The following MAP2K1 variants were observed in gnomAD, a reference collection of about 807,000 sequenced individuals.
The protein encoded by MAP2K1 is mitogen-activated protein kinase kinase 1, also known as dual specificity mitogen-activated protein kinase kinase 1.
Under a neutral mutation model 46.3 loss-of-function variants are expected in MAP2K1, and 16 were observed. That is an observed-to-expected ratio of 0.35 (90% CI 0.23 to 0.52). MAP2K1 has a LOEUF of 0.52. Ranked by LOEUF, MAP2K1 falls within the 20% of genes least tolerant of loss-of-function variation. MAP2K1 has a pLI of 0.94. For synonymous variants in MAP2K1, 183 were observed against 185.6 expected, an observed-to-expected ratio of 0.99 and a Z score of 0.11; for missense variants, 263 against 497.1, an observed-to-expected ratio of 0.53 and a Z score of 4.48.
In MAP2K1 at chr15:66,420,757, GTGTATGTGTGTATATATATGTGTA is replaced by G. The variant is rs1567002982; in HGVS notation, c.81-14268_81-14245del. Among the ~76,000 whole-genome samples, 4 of 20,260 alleles carry G rather than the reference GTGTATGTGTGTATATATATGTGTA, an allele frequency of 2.0e-4. 1 individual carries two copies. Among genetic ancestry groups the G allele is most frequent in the Non-Finnish European group, 2.6e-4 (2 of 7,662 alleles). The allele number at this position is 20,260 out of a possible 152,430, so 13.3% of individuals were successfully genotyped here. The stretch of plus-strand genomic sequence containing the variant: ...TGTGTGTGTGTGTGTGTGTGTGTGT[GTGTATGTGTGTATATATATGTGTA>G]TATATATGTGTGTATATATATGTGT... On this transcript the variant is annotated intron_variant, in intron 1 of 10. Coordinates refer to ENST00000307102, the MANE Select transcript of MAP2K1 (RefSeq NM_002755.4).
chr15:66,400,577 T>C (rs2093379047), intron 1 of MAP2K1, among the ~76,000 whole-genome samples: 1 of 152,230 alleles, frequency 6.6e-6, no homozygotes. Context: ...TCCTGGTCTC[T>C]TGCTGCAACT....
At chr15:66,440,695 C>T (rs560829252) in intron 3 of MAP2K1, among the ~76,000 whole-genome samples, 1 of 152,358 alleles carries the variant, frequency 6.6e-6, no homozygotes, top group African/African-American at 2.4e-5. Flanking sequence ...AAGCATTTGT[C>T]TCTTCCATAG....
chr15:66,476,037 C>T (rs77248321), intron 5 of MAP2K1, among the ~76,000 whole-genome samples: 2,384 of 152,256 alleles, frequency 0.016, 63 homozygotes, highest in African/African-American at 0.055. Flanking sequence ...CAGAAAATAT[C>T]GGAGAAGAAC....
intron 3 of MAP2K1, among the ~76,000 whole-genome samples, chr15:66,438,560 T>C (rs1378181711): frequency 1.3e-5 from 2 of 152,206 alleles, no homozygotes; most frequent in Non-Finnish European, 2.9e-5. Context: ...TCCCCTTCCT[T>C]CAAGCCTTCC....
chr15:66,475,524 C>CAAA (rs1892736836), intron 5 of MAP2K1, among the ~76,000 whole-genome samples: 1 of 152,164 alleles, frequency 6.6e-6, no homozygotes, highest in African/African-American at 2.4e-5. Flanking sequence ...CACTGCCTTT[C>CAAA]TCTTCCCCCA....
intron 1 of MAP2K1, among the ~76,000 whole-genome samples, chr15:66,408,891 C>T (rs2140534619): frequency 6.6e-6 from 1 of 152,342 alleles, no homozygotes; most frequent in Middle Eastern, 3.4e-3. Flanking sequence ...CCCTCCGGAG[C>T]ACTCTGTACA....
intron 5 of MAP2K1, among the ~76,000 whole-genome samples, chr15:66,479,146 G>T (rs529226841): frequency 6.6e-6 from 1 of 151,994 alleles, no homozygotes; most frequent in Admixed American, 6.6e-5. Flanking sequence ...ACCCAGGCTG[G>T]GGTGCAGTGG....
chr15:66,418,630 A>G (rs955434012), intron 1 of MAP2K1, among the ~76,000 whole-genome samples: 1 of 151,158 alleles, frequency 6.6e-6, no homozygotes, highest in South Asian at 2.1e-4. Flanking sequence ...TCACCACCAG[A>G]CCCAGGGCTC....
chr15:66,469,719 C>CACACACACACACACACAT (rs968491730), intron 5 of MAP2K1, among the ~76,000 whole-genome samples: 1 of 144,988 alleles, frequency 6.9e-6, no homozygotes, highest in Admixed American at 7.0e-5. Context: ...CACACACACA[C>CACACACACACACACACAT]ACACATATCG....
intron 9 of MAP2K1, 87 bp from the exon 10 acceptor site, chr15:66,489,631 G>T (rs1180945588): frequency 6.0e-6 from 6 of 995,164 alleles, no homozygotes; most frequent in Non-Finnish European, 8.1e-6. Context: ...GGCCTCTAGT[G>T]TGCAGAGAAG....
At position 66,435,020 on chromosome 15, in the gene MAP2K1, G is replaced by A. The variant is rs2140578284; in HGVS notation, c.81-7G>A. ...AGTATTGACTTGTGCTCCCCACTTT[G>A]GAACAGGACCAACTTGGAGGCCTTG... On this transcript the variant is annotated splice_polypyrimidine_tract_variant and splice_region_variant and intron_variant, in intron 1 of 10. Transcript: ENST00000307102. 6.2e-7 allele frequency: 1 copy of A among 1,601,976 alleles called. No individual in the cohort carries two copies. Among genetic ancestry groups the A allele is most frequent in the Non-Finnish European group, 8.6e-7 (1 of 1,169,238 alleles).
intron 1 of MAP2K1, among the ~76,000 whole-genome samples, chr15:66,407,843 TAAAAA>T (rs2093401563): frequency 1.3e-5 from 2 of 152,206 alleles, no homozygotes. Flanking sequence ...CTTCGTCTGT[TAAAAA>T]CAAAACAAAA....
chr15:66,441,563 C>T (rs182859861), intron 3 of MAP2K1, among the ~76,000 whole-genome samples: 69 of 151,910 alleles, frequency 4.5e-4, no homozygotes, highest in African/African-American at 1.5e-3. Flanking sequence ...CCCAACTACA[C>T]GGAAGGCTGA....
intron 1 of MAP2K1, among the ~76,000 whole-genome samples, chr15:66,395,972 T>G: frequency 6.6e-6 from 1 of 152,202 alleles, no homozygotes; most frequent in East Asian, 1.9e-4. Context: ...CCGTCTGCTG[T>G]GGGGCCTAGA....
At chr15:66,429,685 C>CG (rs2093470108) in intron 1 of MAP2K1, among the ~76,000 whole-genome samples, 1 of 129,618 alleles carries the variant, frequency 7.7e-6, no homozygotes, top group South Asian at 3.2e-4. Context: ...CCCCGTCCCC[C>CG]CCAACACAGA....
intron 5 of MAP2K1, among the ~76,000 whole-genome samples, chr15:66,478,399 T>TGTGTATATATATATACACACAG: frequency 9.8e-6 from 1 of 101,588 alleles, no homozygotes; most frequent in African/African-American, 4.1e-5. Flanking sequence ...GATATGTGTG[T>TGTGTATATATATATACACACAG]GTATATATAT....
At chr15:66,488,383 A>C (rs567788426) in intron 8 of MAP2K1, among the ~76,000 whole-genome samples, 2 of 152,348 alleles carry the variant, frequency 1.3e-5, no homozygotes, top group Non-Finnish European at 2.9e-5. Context: ...GGTGGGGATC[A>C]GTGTCTCATT....
intron 1 of MAP2K1, among the ~76,000 whole-genome samples, chr15:66,393,914 T>C (rs1389687736): frequency 6.6e-6 from 1 of 152,234 alleles, no homozygotes; most frequent in Non-Finnish European, 1.5e-5. Context: ...GAACTCCCTG[T>C]CATTTTCTAC....
At chr15:66,419,159 T>G (rs140419088) in intron 1 of MAP2K1, among the ~76,000 whole-genome samples, 26 of 151,626 alleles carry the variant, frequency 1.7e-4, no homozygotes, top group Non-Finnish European at 2.8e-4. Flanking sequence ...CTTCTGTTTT[T>G]TTTTCCCCCC....
Sources: gnomAD v4.1 joint callset for allele counts (sites outside exome capture counted in the v4.1 genomes callset) on GRCh38, gnomAD v4.1.1 for gene constraint, MANE v1.5 for transcripts, NCBI Gene and HGNC (gene_info 2026-07-23, HGNC 2026-07-21) for gene names.